The following KLHL32 variants were observed in gnomAD, a reference collection of about 807,000 sequenced individuals.
The protein encoded by KLHL32 is kelch like family member 32, also known as kelch-like protein 32.
KLHL32 carries 35 observed loss-of-function variants against 64.8 expected under a neutral mutation model. That is an observed-to-expected ratio of 0.54 (90% CI 0.41 to 0.72). The LOEUF (loss-of-function observed/expected upper bound fraction) is 0.72, where lower values mean the gene tolerates loss of function less well. Among genes scored for constraint, KLHL32 ranks in the 30% least tolerant of loss-of-function variants. The pLI is 0.00. For synonymous variants in KLHL32, 259 were observed against 281.0 expected (o/e 0.92, Z 0.78); for missense variants, 589 against 768.5 (o/e 0.77, Z 2.76).
the KLHL32 span, among the ~76,000 whole-genome samples, chr6:96,904,271 G>A: frequency 2.7e-5 from 4 of 150,848 alleles, no homozygotes; most frequent in Middle Eastern, 3.4e-3. Context: ...GAACCCAGGA[G>A]GCGGAGGTTG....
intron 3 of KLHL32, chr6:97,025,224 C>T (rs1243408408): frequency 5.7e-6 from 4 of 705,306 alleles, no homozygotes; most frequent in Non-Finnish European, 7.0e-6. Flanking sequence ...TGATTTGGAA[C>T]GAATTGTCCA....
chr6:97,060,073 T>C (rs886406784), intron 4 of KLHL32, among the ~76,000 whole-genome samples: 4 of 152,188 alleles, frequency 2.6e-5, no homozygotes, highest in Admixed American at 1.3e-4. Flanking sequence ...AAGACCTTAG[T>C]TGTCTGATTT....
At chr6:97,100,087 C>T (rs974580772) in intron 6 of KLHL32, among the ~76,000 whole-genome samples, 2 of 151,886 alleles carry the variant, frequency 1.3e-5, no homozygotes, top group East Asian at 1.9e-4. Flanking sequence ...GGTAGCAGTA[C>T]GCCAAGATTG....
chr6:97,092,707 C>CTA (rs765987618), intron 6 of KLHL32, among the ~76,000 whole-genome samples: 38 of 152,300 alleles, frequency 2.5e-4, no homozygotes, highest in Middle Eastern at 6.8e-3. Flanking sequence ...TCCTTCTAAT[C>CTA]TATATGCGGC....
intron 1 of KLHL32, among the ~76,000 whole-genome samples, chr6:96,950,494 T>C (rs1334867821): frequency 7.2e-6 from 1 of 139,284 alleles, no homozygotes; most frequent in Non-Finnish European, 1.6e-5. Context: ...TTATCAGTTG[T>C]CACGTTAAAA....
intron 3 of KLHL32, among the ~76,000 whole-genome samples, chr6:96,998,773 T>G (rs1007807443): frequency 6.6e-6 from 1 of 152,224 alleles, no homozygotes; most frequent in Non-Finnish European, 1.5e-5. Flanking sequence ...TTAAGTTCTT[T>G]TCTTTCTCTG....
chr6:96,945,634 G>T (rs1771827014), intron 1 of KLHL32, among the ~76,000 whole-genome samples: 1 of 152,166 alleles, frequency 6.6e-6, no homozygotes, highest in South Asian at 2.1e-4. Flanking sequence ...AACCCCTATG[G>T]GATCCTGAGT....
chr6:96,927,672 T>A, intron 1 of KLHL32, among the ~76,000 whole-genome samples: 1 of 152,188 alleles, frequency 6.6e-6, no homozygotes, highest in East Asian at 1.9e-4. Context: ...GTTCTCTTAT[T>A]CCAAAATCCC....
Position 97,085,339 on chromosome 6 carries a change from CA to C in KLHL32, c.626del (p.Gln209ArgfsTer2), listed in dbSNP as rs1793243542. ...LTSLSEEQIW[Q>X]LAVRWLEHNC... ...CTCCCTGAGTGAAGAGCAGATCTGG[CA>C]GGTAAGGGCGCTGTGCACGGTCGCT... On this transcript the variant is annotated frameshift_variant and splice_region_variant, in exon 6 of 11. Transcript: ENST00000369261. LOFTEE classifies it high-confidence loss of function. The C allele has an allele frequency of 6.2e-7, 1 of 1,612,076 alleles. No individual in the cohort carries two copies. Among genetic ancestry groups the C allele is most frequent in the African/African-American group, 1.3e-5 (1 of 74,832 alleles).
chr6:96,986,284 T>G (rs565410498), intron 3 of KLHL32, among the ~76,000 whole-genome samples: 45 of 151,692 alleles, frequency 3.0e-4, no homozygotes, highest in African/African-American at 1.1e-3. Context: ...CTGCCCCTAA[T>G]GGGGGGGGCC....
At chr6:97,005,077 C>T (rs2128083768) in intron 3 of KLHL32, among the ~76,000 whole-genome samples, 1 of 152,030 alleles carries the variant, frequency 6.6e-6, no homozygotes, top group Admixed American at 6.6e-5. Flanking sequence ...TTTTTGTACA[C>T]CTGGTAGAAT....
chr6:96,950,577 G>A (rs1011818291), intron 1 of KLHL32, among the ~76,000 whole-genome samples: 1 of 151,970 alleles, frequency 6.6e-6, no homozygotes, highest in African/African-American at 2.4e-5. Flanking sequence ...CTGGTGTATG[G>A]TAAGTGCTAT....
At chr6:97,028,258 T>A (rs1231788401) in intron 3 of KLHL32, among the ~76,000 whole-genome samples, 1 of 152,170 alleles carries the variant, frequency 6.6e-6, no homozygotes, top group Non-Finnish European at 1.5e-5. Flanking sequence ...CCAATGCTGC[T>A]ATTCCAGGGA....
chr6:97,137,574 G>A (rs1006202724), intron 10 of KLHL32, among the ~76,000 whole-genome samples: 1 of 151,880 alleles, frequency 6.6e-6, no homozygotes, highest in Admixed American at 6.6e-5. Context: ...TCACTCTGTC[G>A]CCCAGGCTGG....
intron 3 of KLHL32, among the ~76,000 whole-genome samples, chr6:96,997,573 C>A (rs1489230595): frequency 6.6e-6 from 1 of 150,914 alleles, no homozygotes; most frequent in Non-Finnish European, 1.5e-5. Context: ...CATAGTGAGA[C>A]CCTGTCTCTA....
chr6:97,118,845 A>G (rs1423760162), intron 7 of KLHL32, among the ~76,000 whole-genome samples: 1 of 152,134 alleles, frequency 6.6e-6, no homozygotes, highest in African/African-American at 2.4e-5. Flanking sequence ...GAGGGAACAG[A>G]CTTTTAAACA....
At chr6:97,116,570 C>G (rs1015516743) in intron 7 of KLHL32, among the ~76,000 whole-genome samples, 4 of 152,190 alleles carry the variant, frequency 2.6e-5, no homozygotes, top group Non-Finnish European at 5.9e-5. Flanking sequence ...ATGAATTTCT[C>G]ATAAATATTT....
At chr6:97,106,172 A>G (rs1048619703) in intron 6 of KLHL32, among the ~76,000 whole-genome samples, 4 of 152,230 alleles carry the variant, frequency 2.6e-5, no homozygotes, top group African/African-American at 7.2e-5. Context: ...TAGAATCACA[A>G]TATGAGGACT....
chr6:97,122,299 TG>T (rs1210375310), intron 7 of KLHL32, among the ~76,000 whole-genome samples: 1 of 152,196 alleles, frequency 6.6e-6, no homozygotes, highest in Non-Finnish European at 1.5e-5. Flanking sequence ...ATCATCTGTG[TG>T]GGTTCCTCAA....
Sources: allele counts gnomAD v4.1 joint callset (sites outside exome capture counted in the v4.1 genomes callset), GRCh38; gene constraint gnomAD v4.1.1; transcripts MANE v1.5; gene names NCBI Gene and HGNC (gene_info 2026-07-23, HGNC 2026-07-21).